Variants in MAP1B observed in about 807,000 individuals in gnomAD.
MAP1B encodes the protein microtubule-associated protein 1B.
In MAP1B, 12 loss-of-function variants were observed where a neutral mutation model predicts 176.1. The observed-to-expected ratio is 0.07, with a 90% CI of 0.04 to 0.11. The LOEUF (loss-of-function observed/expected upper bound fraction) is 0.11, where lower values mean the gene tolerates loss of function less well. Among genes scored for constraint, MAP1B ranks in the 10% least tolerant of loss-of-function variants. The pLI is 1.00. For synonymous variants in MAP1B, 1,044 were observed against 1,135.0 expected (o/e 0.92, Z 1.61); for missense variants, 2,523 against 2,990.5 (o/e 0.84, Z 3.65).
chr5:72,159,574 T>C (rs889997844), intron 2 of MAP1B, among the ~76,000 whole-genome samples: 3 of 152,370 alleles, frequency 2.0e-5, no homozygotes, highest in Middle Eastern at 6.8e-3. Context: ...TGCTGTTGTA[T>C]TGTTGATAAA....
intron 4 of MAP1B, among the ~76,000 whole-genome samples, chr5:72,187,609 C>T (rs993175108): frequency 6.6e-6 from 1 of 152,160 alleles, no homozygotes; most frequent in Admixed American, 6.5e-5. Context: ...AGAGTCCCCA[C>T]ATCTGTTTAA....
intron 2 of MAP1B, among the ~76,000 whole-genome samples, chr5:72,139,929 A>G (rs1004288997): frequency 5.3e-5 from 8 of 152,152 alleles, no homozygotes; most frequent in Non-Finnish European, 1.2e-4. Context: ...AAAGACAAAC[A>G]TATTCAGACA....
chr5:72,199,440 A>C lies in MAP1B; in HGVS notation c.6085A>C (p.Thr2029Pro), dbSNP rs1747271198. The C allele has an allele frequency of 6.2e-7, 1 of 1,614,060 alleles. No homozygotes were observed. The highest frequency in any genetic ancestry group is 1.7e-5 in the Admixed American group (1 of 60,006). ...TGAAGGTTATTCCTATGAGACATCT[A>C]CAAAGACAACACGAACCCCTGATAC... ...ESEGYSYETSTKTTRTPDTST... is the reference protein window; with the variant it reads ...ESEGYSYETSPKTTRTPDTST... The change falls in exon 5 of 7, where the codon ACA becomes CCA. Residue 2029 changes from threonine (T) to proline (P), a missense_variant. This residue lies in a region of MAP1B where 1,925 missense variants were observed against 2,126.0 expected (regional missense o/e 0.91). Transcript: ENST00000296755. This position sits in a 1 kb window ranked among gnomAD's most constrained non-coding sequence, Gnocchi z 4.2.
At chr5:72,148,332 A>G (rs1451526638) in intron 2 of MAP1B, among the ~76,000 whole-genome samples, 2 of 152,152 alleles carry the variant, frequency 1.3e-5, no homozygotes, top group Non-Finnish European at 2.9e-5. Flanking sequence ...CCCTCTGTTC[A>G]TGGAGACCAG....
intron 2 of MAP1B, among the ~76,000 whole-genome samples, chr5:72,163,930 C>CTTTTTTTTTTTTTTTTTTTTTTT (rs869167918): frequency 2.3e-5 from 1 of 43,716 alleles, no homozygotes; most frequent in African/African-American, 5.8e-5. Context: ...TTTTTTTTTT[C>CTTTTTTTTTTTTTTTTTTTTTTT]TTTTTTTTTT....
At chr5:72,120,950 C>T (rs1745516843) in intron 2 of MAP1B, among the ~76,000 whole-genome samples, 1 of 152,176 alleles carries the variant, frequency 6.6e-6, no homozygotes, top group Non-Finnish European at 1.5e-5. Context: ...AGATGTTTCT[C>T]AGAGAAACGA....
At chr5:72,189,014 C>T (rs767695749) in intron 4 of MAP1B, among the ~76,000 whole-genome samples, 5 of 152,156 alleles carry the variant, frequency 3.3e-5, no homozygotes, top group Admixed American at 6.5e-5. Flanking sequence ...GAATAACAAA[C>T]GGACCTTGAA....
At position 72,197,518 on chromosome 5, in the gene MAP1B, A is replaced by G; in HGVS notation, c.4163A>G (p.Glu1388Gly). ...SPMDEPVPDS[E>G]SPIEKVLSPL... is the part of the protein sequence containing the mutation. ...ATGGATGAGCCCGTGCCTGACTCAG[A>G]GTCTCCTATTGAAAAAGTTTTGTCT... The change falls in exon 5 of 7, where the codon GAG becomes GGG. Residue 1388 changes from glutamate (E) to glycine (G), a missense_variant. Physicochemically the swap from Glu to Gly is moderately conservative, Grantham distance 98. Transcript: ENST00000296755. 1.2e-6 allele frequency: 2 copies of G among 1,614,192 alleles called. No homozygotes were observed. The highest frequency in any genetic ancestry group is 1.7e-6 in the Non-Finnish European group (2 of 1,180,028).
chr5:72,188,364 A>G (rs1169932930), intron 4 of MAP1B, among the ~76,000 whole-genome samples: 2 of 152,198 alleles, frequency 1.3e-5, no homozygotes, highest in Admixed American at 1.3e-4. Context: ...AAGTGGCCCA[A>G]TGACATGGTG....
chr5:72,134,490 GT>G (rs1275893673), intron 2 of MAP1B, among the ~76,000 whole-genome samples: 1 of 149,818 alleles, frequency 6.7e-6, no homozygotes, highest in Admixed American at 6.7e-5. Context: ...GAGGAGAGAA[GT>G]CCTATTGACA....
intron 2 of MAP1B, among the ~76,000 whole-genome samples, chr5:72,121,308 A>G (rs1745526208): frequency 6.6e-6 from 1 of 152,250 alleles, no homozygotes; most frequent in South Asian, 2.1e-4. Flanking sequence ...TGCCAGGTTT[A>G]AGAAACAGAT....
chr5:72,177,003 C>A (rs1746664121), intron 2 of MAP1B, among the ~76,000 whole-genome samples: 1 of 152,208 alleles, frequency 6.6e-6, no homozygotes, highest in Non-Finnish European at 1.5e-5. Flanking sequence ...TTCCTGGTAA[C>A]AGGTGGCCTT....
chr5:72,165,729 C>T (rs1746415000), intron 2 of MAP1B, among the ~76,000 whole-genome samples: 1 of 152,160 alleles, frequency 6.6e-6, no homozygotes, highest in African/African-American at 2.4e-5. Flanking sequence ...TAACCATAAA[C>T]ATATTCATTA....
At chr5:72,185,474 G>T (rs1746876455) in intron 3 of MAP1B, among the ~76,000 whole-genome samples, 1 of 152,068 alleles carries the variant, frequency 6.6e-6, no homozygotes, top group South Asian at 2.1e-4. Flanking sequence ...GCATGCCTGT[G>T]GTCCCAGCTA....
rs1228621345 is a variant in MAP1B, at chr5:72,186,327, G to A, written c.370-287G>A. Among the ~76,000 whole-genome samples the A allele has an allele frequency of 6.6e-6, 1 of 152,150 alleles. No homozygotes were observed. Among genetic ancestry groups the A allele is most frequent in the Non-Finnish European group, 1.5e-5 (1 of 68,040 alleles). On this transcript the variant is annotated intron_variant, in intron 3 of 6. Coordinates refer to ENST00000296755, the MANE Select transcript of MAP1B (RefSeq NM_005909.5). The surrounding 1 kb of genome is among the most constrained non-coding windows in gnomAD (Gnocchi z 4.3). ...GCTTTGAAAAAGAGGAGGAAACTAG[G>A]GGGAGAAAGTCAACTATCGCTACTG...
intron 2 of MAP1B, among the ~76,000 whole-genome samples, chr5:72,177,986 C>T (rs886623000): frequency 1.1e-4 from 17 of 151,384 alleles, no homozygotes; most frequent in Non-Finnish European, 2.2e-4. Context: ...TCTCTTCTTC[C>T]TTCTAATGAA....
chr5:72,168,074 C>T (rs2112189801), intron 2 of MAP1B, among the ~76,000 whole-genome samples: 1 of 152,382 alleles, frequency 6.6e-6, no homozygotes, highest in East Asian at 1.9e-4. Flanking sequence ...GGCCAAGGCC[C>T]TGAGCTGAGG....
chr5:72,108,823 C>T (rs181726237), intron 1 of MAP1B, among the ~76,000 whole-genome samples: 23 of 152,338 alleles, frequency 1.5e-4, no homozygotes, highest in African/African-American at 5.5e-4. Context: ...GGGTGGGCAG[C>T]TCTGGTCTCT....
intron 5 of MAP1B, among the ~76,000 whole-genome samples, chr5:72,201,199 C>CA (rs754841956): frequency 0.021 from 2,825 of 134,896 alleles, 51 homozygotes; most frequent in African/African-American, 0.058. Context: ...CCTGTCTCCA[C>CA]AAAAAAAAAA....
Sources: gnomAD v4.1 joint callset for allele counts (sites outside exome capture counted in the v4.1 genomes callset) on GRCh38, gnomAD v4.1.1 for gene constraint, gnomAD v4.1.1 regional missense constraint, Gnocchi (gnomAD v3.1) non-coding constraint, MANE v1.5 for transcripts, NCBI Gene and HGNC (gene_info 2026-07-23, HGNC 2026-07-21) for gene names.